GRID1: variants seen among roughly 807,000 people sequenced by gnomAD.
The protein encoded by GRID1 is glutamate ionotropic receptor delta type subunit 1, also known as glutamate receptor ionotropic, delta-1.
A neutral mutation model predicts 98.0 loss-of-function variants in GRID1; 28 were observed. The ratio of observed to expected loss-of-function variants is 0.29; its 90% CI spans 0.21 to 0.39. GRID1 has a LOEUF of 0.39. GRID1 is among the 10% of genes least tolerant of loss of function. GRID1 has a pLI of 1.00. For missense variants in GRID1, 1,111 were observed against 1,340.5 expected (o/e 0.83, Z 2.67); for synonymous variants, 553 against 538.5 (o/e 1.03, Z -0.37).
chr10:86,355,826 G>A (rs569033599), intron 2 of GRID1, among the ~76,000 whole-genome samples: 65 of 152,386 alleles, frequency 4.3e-4, no homozygotes, highest in African/African-American at 1.4e-3. Flanking sequence ...ATGGCAGAGA[G>A]ATGCGTGGTC....
intron 8 of GRID1, 84 bp from the exon 9 acceptor site, chr10:85,729,698 G>A: frequency 1.3e-6 from 1 of 787,868 alleles, no homozygotes; most frequent in Non-Finnish European, 2.2e-6. Context: ...CTGGGATCCT[G>A]AATTAGGCAG....
At chr10:86,272,057 C>G (rs1249371621) in intron 2 of GRID1, among the ~76,000 whole-genome samples, 1 of 151,730 alleles carries the variant, frequency 6.6e-6, no homozygotes, top group African/African-American at 2.4e-5. Flanking sequence ...TTCAGAGGAA[C>G]AAGGATAAGG....
intron 2 of GRID1, among the ~76,000 whole-genome samples, chr10:86,208,147 G>A (rs1846060251): frequency 6.6e-6 from 1 of 152,078 alleles, no homozygotes; most frequent in Non-Finnish European, 1.5e-5. Flanking sequence ...GAAGGGGAGG[G>A]TCCCCCCACA....
chr10:85,693,632 A>T (rs1019571979), intron 12 of GRID1, among the ~76,000 whole-genome samples: 1 of 152,218 alleles, frequency 6.6e-6, no homozygotes, highest in Non-Finnish European at 1.5e-5. Flanking sequence ...ATAAAGCCAC[A>T]TATCTACATC....
intron 3 of GRID1, among the ~76,000 whole-genome samples, chr10:86,188,541 A>T (rs1200253175): frequency 6.6e-6 from 1 of 152,174 alleles, no homozygotes; most frequent in Non-Finnish European, 1.5e-5. Context: ...GGAATAGAGA[A>T]GCCTCTGTGC....
intron 2 of GRID1, among the ~76,000 whole-genome samples, chr10:86,362,748 G>A (rs1371040081): frequency 1.3e-5 from 2 of 152,188 alleles, no homozygotes; most frequent in South Asian, 2.1e-4. Flanking sequence ...CCATCATCGA[G>A]GCATCCTGTC....
chr10:85,976,754 C>T lies in GRID1; in HGVS notation c.727-60515G>A, dbSNP rs533382659. On this transcript the variant is annotated intron_variant, in intron 4 of 15. Transcript: ENST00000327946. ...TTGGCTGCAGACCTGAACAGGCTTA[C>T]CTGTTTCCCTCTGTGTATGCTCTTT... Among the ~76,000 whole-genome samples the T allele has an allele frequency of 2.5e-4, 38 of 152,344 alleles. No homozygotes were observed. The East Asian group carries it at 5.0e-3, about 20-fold the overall frequency.
chr10:85,829,179 C>A (rs1254250267), intron 8 of GRID1, among the ~76,000 whole-genome samples: 2 of 151,644 alleles, frequency 1.3e-5, no homozygotes, highest in Admixed American at 6.6e-5. Flanking sequence ...TGATTCGTCA[C>A]ATAAACAGAA....
intron 2 of GRID1, among the ~76,000 whole-genome samples, chr10:86,281,728 T>C (rs546516098): frequency 3.3e-5 from 5 of 151,316 alleles, no homozygotes; most frequent in African/African-American, 1.2e-4. Context: ...GCTGGGGAGG[T>C]TTTTTAAAAT....
intron 15 of GRID1, among the ~76,000 whole-genome samples, chr10:85,603,688 C>T (rs192021386): frequency 2.6e-5 from 4 of 152,260 alleles, no homozygotes; most frequent in Admixed American, 1.3e-4. Context: ...AGCAGAGGAG[C>T]CATATGAGCT....
intron 3 of GRID1, among the ~76,000 whole-genome samples, chr10:86,162,539 A>G (rs967236091): frequency 1.3e-5 from 2 of 152,226 alleles, no homozygotes; most frequent in South Asian, 4.1e-4. Context: ...TAAGGCACAT[A>G]GTAGCTCAGA....
chr10:85,718,182 G>A (rs1443621884), intron 12 of GRID1, among the ~76,000 whole-genome samples: 1 of 152,244 alleles, frequency 6.6e-6, no homozygotes, highest in Non-Finnish European at 1.5e-5. Context: ...CAGTGCCCCA[G>A]TAGGGACTCT....
At chr10:85,911,173 C>T (rs538412313) in intron 5 of GRID1, among the ~76,000 whole-genome samples, 7 of 152,300 alleles carry the variant, frequency 4.6e-5, no homozygotes, top group African/African-American at 1.7e-4. Flanking sequence ...ATATCACAGT[C>T]TTTTTCTTTT....
intron 5 of GRID1, among the ~76,000 whole-genome samples, chr10:85,890,676 C>T (rs1841187227): frequency 6.6e-6 from 1 of 152,052 alleles, no homozygotes; most frequent in South Asian, 2.1e-4. Flanking sequence ...TAAATGTCTC[C>T]TGTTGTGCTA....
At chr10:86,136,686 T>A (rs1469611857) in intron 4 of GRID1, among the ~76,000 whole-genome samples, 2 of 152,210 alleles carry the variant, frequency 1.3e-5, no homozygotes, top group Non-Finnish European at 2.9e-5. Context: ...ACTCTTATCA[T>A]CGGCGGAGAC....
chr10:86,149,002 A>G (rs1589388265), intron 3 of GRID1, among the ~76,000 whole-genome samples: 1 of 152,330 alleles, frequency 6.6e-6, no homozygotes, highest in East Asian at 1.9e-4. Flanking sequence ...GGCACAGTGC[A>G]AAATAGATGT....
chr10:86,189,285 T>A (rs1215090527), intron 3 of GRID1, among the ~76,000 whole-genome samples: 1 of 152,054 alleles, frequency 6.6e-6, no homozygotes, highest in Non-Finnish European at 1.5e-5. Context: ...TTGGGGAACT[T>A]CTGATGTCAA....
At chr10:86,234,825 C>G (rs1280785250) in intron 2 of GRID1, among the ~76,000 whole-genome samples, 1 of 152,160 alleles carries the variant, frequency 6.6e-6, no homozygotes, top group African/African-American at 2.4e-5. Context: ...AGCAGGCATA[C>G]TGGCGACACA....
chr10:86,065,861 T>TTG (rs1843713040), intron 4 of GRID1, among the ~76,000 whole-genome samples: 1 of 152,176 alleles, frequency 6.6e-6, no homozygotes, highest in Non-Finnish European at 1.5e-5. Flanking sequence ...TCAAGATCCT[T>TTG]CTAGATGTGA....
Sources: allele counts gnomAD v4.1 joint callset (sites outside exome capture counted in the v4.1 genomes callset), GRCh38; gene constraint gnomAD v4.1.1; transcripts MANE v1.5; gene names NCBI Gene and HGNC (gene_info 2026-07-23, HGNC 2026-07-21).